The following GRIP1 variants were observed in gnomAD, a reference collection of about 807,000 sequenced individuals.
The protein encoded by GRIP1 is glutamate receptor-interacting protein 1.
GRIP1 carries 45 observed loss-of-function variants against 129.9 expected under a neutral mutation model. The observed-to-expected ratio is 0.35, with a 90% CI of 0.27 to 0.44. The LOEUF is 0.44. Among genes scored for constraint, GRIP1 ranks in the 20% least tolerant of loss-of-function variants. The pLI is 1.00. For synonymous variants in GRIP1, 530 were observed against 520.8 expected, an observed-to-expected ratio of 1.02 and a Z score of -0.24; for missense variants, 1,196 against 1,396.8, an observed-to-expected ratio of 0.86 and a Z score of 2.29.
At chr12:66,775,787 A>T (rs566476051) in intron 1 of GRIP1, among the ~76,000 whole-genome samples, 17 of 152,312 alleles carry the variant, frequency 1.1e-4, no homozygotes, top group African/African-American at 3.8e-4. Flanking sequence ...TGTGCAGAAA[A>T]TTGATATTCT....
At chr12:66,718,237 A>T (rs749984801) in intron 1 of GRIP1, among the ~76,000 whole-genome samples, 1 of 152,106 alleles carries the variant, frequency 6.6e-6, no homozygotes, top group Non-Finnish European at 1.5e-5. Context: ...CACTGGATAC[A>T]TAAGTTGAGG....
intron 14 of GRIP1, among the ~76,000 whole-genome samples, chr12:66,423,807 C>T (rs2057891931): frequency 6.6e-6 from 1 of 152,048 alleles, no homozygotes; most frequent in African/African-American, 2.4e-5. Flanking sequence ...CTGAATACTT[C>T]CAAGAGTGTG....
At chr12:66,379,138 C>A in intron 20 of GRIP1, 142 bp downstream of exon 20, 1 of 978,578 alleles carries the variant, frequency 1.0e-6, no homozygotes, top group South Asian at 1.4e-5. Flanking sequence ...TAGAATCCTG[C>A]CATGTGGCCA....
intron 1 of GRIP1, among the ~76,000 whole-genome samples, chr12:66,811,846 T>A (rs770965316): frequency 8.5e-5 from 13 of 152,222 alleles, no homozygotes; most frequent in Non-Finnish European, 1.5e-4. Flanking sequence ...TCTTGGTATT[T>A]AAATTTGTTC....
chr12:66,729,995 T>C (rs2036382727), intron 1 of GRIP1, among the ~76,000 whole-genome samples: 1 of 152,204 alleles, frequency 6.6e-6, no homozygotes, highest in African/African-American at 2.4e-5. Flanking sequence ...TACATATTTG[T>C]CTTTATTTTT....
At chr12:66,394,434 A>C in intron 16 of GRIP1, 82 bp from the exon 17 acceptor site, 1 of 1,129,268 alleles carries the variant, frequency 8.9e-7, no homozygotes, top group East Asian at 2.4e-5. Flanking sequence ...ACATAAAAGA[A>C]TTCAAAACAT....
chr12:66,787,553 A>G (rs2038391571), intron 1 of GRIP1, among the ~76,000 whole-genome samples: 1 of 152,136 alleles, frequency 6.6e-6, no homozygotes, highest in African/African-American at 2.4e-5. Context: ...TGGGGAGGTG[A>G]TTAGATCATG....
intron 1 of GRIP1, among the ~76,000 whole-genome samples, chr12:67,036,084 G>T (rs1036289484): frequency 1.3e-5 from 2 of 152,216 alleles, no homozygotes; most frequent in East Asian, 1.9e-4. Flanking sequence ...ATTTACAGTG[G>T]GATGACATCA....
Position 66,478,795 on chromosome 12 carries a change from T to A in GRIP1, c.725-13373A>T, listed in dbSNP as rs546080774. 2.5e-3 allele frequency among the ~76,000 whole-genome samples: 381 copies of A among 152,024 alleles called. 1 individual carries two copies. Among genetic ancestry groups the A allele is most frequent in the African/African-American group, 8.6e-3 (358 of 41,464 alleles). ...ATCACAAGGACAAAAAACCAAACAC[T>A]GCATGTTCTCACTCATAGGTGGGAA... On this transcript the variant is annotated intron_variant, in intron 7 of 24. Coordinates refer to ENST00000359742, the MANE Select transcript of GRIP1 (RefSeq NM_001366722.1).
At chr12:67,042,411 A>G (rs1272141985) in intron 1 of GRIP1, among the ~76,000 whole-genome samples, 2 of 152,138 alleles carry the variant, frequency 1.3e-5, no homozygotes, top group African/African-American at 2.4e-5. Flanking sequence ...CATACCTTTG[A>G]AGTATGAAAT....
chr12:66,589,240 C>G (rs1050453917), intron 2 of GRIP1, among the ~76,000 whole-genome samples: 2 of 141,086 alleles, frequency 1.4e-5, no homozygotes, highest in East Asian at 2.1e-4. Flanking sequence ...CTGTCTGTCT[C>G]TCTCTCTCTC....
intron 2 of GRIP1, among the ~76,000 whole-genome samples, chr12:66,564,813 G>A (rs1398347530): frequency 6.6e-5 from 10 of 152,228 alleles, no homozygotes; most frequent in Middle Eastern, 3.4e-3. Context: ...TTTAATGATC[G>A]CCATTCTAAC....
At position 66,410,982 on chromosome 12, in the gene GRIP1, A is replaced by C. The variant is rs111816010; in HGVS notation, c.1839-4554T>G. Among the ~76,000 whole-genome samples the C allele has an allele frequency of 1.6e-3, 241 of 152,296 alleles. 1 individual carries two copies. The highest frequency in any genetic ancestry group is 5.4e-3 in the African/African-American group (223 of 41,574). ...ATTCACTCTAAGCCAGGGTTTTATG[A>C]ATAGAACTCTGATCTTCTTGGGATG... On this transcript the variant is annotated intron_variant, in intron 15 of 24. Coordinates refer to ENST00000359742, the MANE Select transcript of GRIP1 (RefSeq NM_001366722.1).
intron 1 of GRIP1, among the ~76,000 whole-genome samples, chr12:66,757,898 T>C (rs2037346239): frequency 6.6e-6 from 1 of 152,212 alleles, no homozygotes; most frequent in African/African-American, 2.4e-5. Context: ...ATTCATCTTT[T>C]TGGTTGTTGG....
intron 1 of GRIP1, among the ~76,000 whole-genome samples, chr12:66,948,570 G>A (rs1191703888): frequency 6.6e-6 from 1 of 152,114 alleles, no homozygotes; most frequent in Non-Finnish European, 1.5e-5. Flanking sequence ...GTCCAAGGAG[G>A]GGAGACAGAT....
chr12:66,907,295 T>C (rs911839727), intron 1 of GRIP1, among the ~76,000 whole-genome samples: 3 of 152,232 alleles, frequency 2.0e-5, no homozygotes, highest in Non-Finnish European at 4.4e-5. Flanking sequence ...TTTGCCAATT[T>C]AGTACTTCTA....
intron 1 of GRIP1, among the ~76,000 whole-genome samples, chr12:66,933,334 C>A (rs180957801): frequency 2.0e-5 from 3 of 152,274 alleles, no homozygotes; most frequent in Admixed American, 1.3e-4. Flanking sequence ...AAGATGAGAT[C>A]ACTTCTGCAC....
Position 66,622,502 on chromosome 12 carries a change from GAT to G in GRIP1, c.56-25577_56-25576del, listed in dbSNP as rs371300100. On this transcript the variant is annotated intron_variant, in intron 1 of 24. Transcript: ENST00000359742. ...TTACCCTAATGTAATTATTATACAT[GAT>G]ATACCTGTATTAAAACATCTCATAT... Among the ~76,000 whole-genome samples, 8 of 152,166 alleles carry G rather than the reference GAT, an allele frequency of 5.3e-5. No homozygotes were observed. The South Asian group carries it at 1.7e-3, about 32-fold the overall frequency.
At chr12:66,710,092 G>A (rs2035665626) in intron 1 of GRIP1, among the ~76,000 whole-genome samples, 1 of 151,934 alleles carries the variant, frequency 6.6e-6, no homozygotes, top group Non-Finnish European at 1.5e-5. Flanking sequence ...GCTCTGCAGT[G>A]AAGTTCCTCT....
Sources: gnomAD v4.1 joint callset for allele counts (sites outside exome capture counted in the v4.1 genomes callset) on GRCh38, gnomAD v4.1.1 for gene constraint, MANE v1.5 for transcripts, NCBI Gene and HGNC (gene_info 2026-07-23, HGNC 2026-07-21) for gene names.